ANKFN1: variants seen among roughly 807,000 people sequenced by gnomAD.
ANKFN1 encodes ankyrin repeat and fibronectin type-III domain-containing protein 1.
ANKFN1 carries 74 observed loss-of-function variants against 108.7 expected under a neutral mutation model. The ratio of observed to expected loss-of-function variants is 0.68; its 90% confidence interval spans 0.56 to 0.83. The LOEUF is 0.83. Ranked by LOEUF, ANKFN1 falls within the 40% of genes least tolerant of loss-of-function variation. The pLI is 0.00. For missense variants in ANKFN1, 1,505 were observed against 1,382.3 expected (o/e 1.09, Z -1.41); for synonymous variants, 547 against 516.2 (o/e 1.06, Z -0.81).
chr17:56,220,845 A>G (rs1332329053), intron 2 of ANKFN1, among the ~76,000 whole-genome samples: 18 of 56,508 alleles, frequency 3.2e-4, no homozygotes, highest in African/African-American at 3.2e-3. Flanking sequence ...GAAGGGAGGG[A>G]GGGAGGAAGG....
chr17:56,482,776 A>G (rs1477800542), intron 18 of ANKFN1: 2 of 359,428 alleles, frequency 5.6e-6, no homozygotes, highest in Non-Finnish European at 9.8e-6. Context: ...AAGTTCAGTT[A>G]TCAGGCTGGA....
intron 3 of ANKFN1, among the ~76,000 whole-genome samples, chr17:56,317,844 AG>A: frequency 6.6e-6 from 1 of 152,316 alleles, no homozygotes; most frequent in Non-Finnish European, 1.5e-5. Context: ...TCATTTCTCC[AG>A]CTTGGCAATA....
chr17:56,400,339 T>C (rs1446249921), intron 8 of ANKFN1, among the ~76,000 whole-genome samples: 4 of 152,108 alleles, frequency 2.6e-5, no homozygotes, highest in African/African-American at 9.7e-5. Context: ...ATCATTAGTG[T>C]TGTTGAGCAT....
intron 4 of ANKFN1, among the ~76,000 whole-genome samples, chr17:56,114,001 C>T (rs1247401224): frequency 3.9e-5 from 6 of 152,112 alleles, no homozygotes; most frequent in East Asian, 1.9e-4. Context: ...ACAAAAATTT[C>T]GTTGCGTAGA....
chr17:56,252,245 G>A (rs1267091284), intron 3 of ANKFN1: 1 of 152,176 alleles, frequency 6.6e-6, no homozygotes, highest in African/African-American at 2.4e-5. Flanking sequence ...AGACCTGGAG[G>A]TAATAAAGTG....
intron 4 of ANKFN1, among the ~76,000 whole-genome samples, chr17:56,120,854 T>A (rs745451126): frequency 3.3e-5 from 5 of 152,128 alleles, no homozygotes; most frequent in Non-Finnish European, 5.9e-5. Flanking sequence ...ATATTAGAAT[T>A]AGTCAAAACT....
At chr17:56,125,823 CAA>C (rs1317461294) in intron 4 of ANKFN1, among the ~76,000 whole-genome samples, 5 of 152,166 alleles carry the variant, frequency 3.3e-5, no homozygotes, top group African/African-American at 1.2e-4. Flanking sequence ...AAAGGCAAGA[CAA>C]GAGAGGGAAG....
intron 15 of ANKFN1, among the ~76,000 whole-genome samples, chr17:56,468,226 T>G (rs2050198150): frequency 6.6e-6 from 1 of 151,970 alleles, no homozygotes; most frequent in Non-Finnish European, 1.5e-5. Context: ...GGACAGGAAA[T>G]GAAATAAAGG....
intron 4 of ANKFN1, among the ~76,000 whole-genome samples, chr17:56,086,273 C>T (rs1598091697): frequency 6.6e-6 from 1 of 150,796 alleles, no homozygotes; most frequent in East Asian, 1.9e-4. Flanking sequence ...GATGTAGCAG[C>T]AAGTGCTTGT....
At position 56,327,266 on chromosome 17, in the gene ANKFN1, C is replaced by G. The variant is rs559734065; in HGVS notation, c.188+911C>G. ...CTTTTCTTACCACCATCCCCGCCCC[C>G]ACCAGTCTCCTTAGTCTTTTGTTTG... On this transcript the variant is annotated intron_variant, in intron 4 of 20. Coordinates refer to ENST00000682825, the MANE Select transcript of ANKFN1 (RefSeq NM_001370326.1). Among the ~76,000 whole-genome samples, 8 of 152,260 alleles carry G rather than the reference C, an allele frequency of 5.3e-5. No individual in the cohort carries two copies. The South Asian group carries it at 1.7e-3, about 32-fold the overall frequency.
At chr17:56,087,380 C>T (rs954033211) in intron 4 of ANKFN1, among the ~76,000 whole-genome samples, 2 of 151,348 alleles carry the variant, frequency 1.3e-5, no homozygotes, top group Non-Finnish European at 3.0e-5. Context: ...TTGGAAAGCA[C>T]GTGTGGAACC....
At chr17:56,428,705 C>G (rs1036310716) in intron 8 of ANKFN1, among the ~76,000 whole-genome samples, 30 of 152,050 alleles carry the variant, frequency 2.0e-4, no homozygotes, top group Non-Finnish European at 4.0e-4. Context: ...TTAAGTGATC[C>G]ACCCGCCTCA....
At chr17:56,478,737 A>C (rs1036793122) in intron 16 of ANKFN1, among the ~76,000 whole-genome samples, 1 of 148,440 alleles carries the variant, frequency 6.7e-6, no homozygotes, top group African/African-American at 2.6e-5. Flanking sequence ...AAAAAAAAGA[A>C]AGAAATTATC....
rs28657788 is a variant in ANKFN1, at chr17:56,049,217, C to T, written c.288+2892C>T. Among the ~76,000 whole-genome samples, 610 of 152,182 alleles carry T rather than the reference C, an allele frequency of 4.0e-3. 4 individuals carry two copies. Among genetic ancestry groups the T allele is most frequent in the African/African-American group, 0.014 (584 of 41,528 alleles). Reference sequence around the variant, plus strand: ...TCCTAGGTAACTCACTTATAAATTGCTTCAGTGATTATCTCTTTTATTCAT... The same window carrying T: ...TCCTAGGTAACTCACTTATAAATTGTTTCAGTGATTATCTCTTTTATTCAT... On this transcript the variant is annotated intron_variant, in intron 4 of 12. Transcript: ENST00000635860.
At chr17:56,092,904 A>T (rs1333604549) in intron 4 of ANKFN1, among the ~76,000 whole-genome samples, 1 of 151,042 alleles carries the variant, frequency 6.6e-6, no homozygotes, top group African/African-American at 2.4e-5. Flanking sequence ...AATGCCTGCC[A>T]AGTTGCTTGG....
At chr17:56,169,823 C>G (rs769026503) in intron 1 of ANKFN1, among the ~76,000 whole-genome samples, 1 of 152,160 alleles carries the variant, frequency 6.6e-6, no homozygotes, top group Non-Finnish European at 1.5e-5. Flanking sequence ...CAGTGACAAA[C>G]CCTAAAGGTG....
intron 2 of ANKFN1, among the ~76,000 whole-genome samples, chr17:56,214,538 G>C (rs1056370848): frequency 6.6e-6 from 1 of 152,188 alleles, no homozygotes; most frequent in Non-Finnish European, 1.5e-5. Flanking sequence ...ATTCAAATTA[G>C]ATAATGCATA....
chr17:56,501,717 A>C (rs1259341215), intron 20 of ANKFN1, among the ~76,000 whole-genome samples: 3 of 152,196 alleles, frequency 2.0e-5, no homozygotes, highest in African/African-American at 7.2e-5. Context: ...AGGTAGAATA[A>C]GAAGAGGAGA....
At chr17:56,232,192 C>T (rs985767725) in intron 3 of ANKFN1, among the ~76,000 whole-genome samples, 2 of 152,116 alleles carry the variant, frequency 1.3e-5, no homozygotes, top group African/African-American at 2.4e-5. Flanking sequence ...ATTCTTCACA[C>T]GACTTGGTTT....
Sources: gnomAD v4.1 joint callset for allele counts (sites outside exome capture counted in the v4.1 genomes callset) on GRCh38, gnomAD v4.1.1 for gene constraint, MANE v1.5 for transcripts, NCBI Gene and HGNC (gene_info 2026-07-23, HGNC 2026-07-21) for gene names.